Variants in FLYWCH1 observed in about 807,000 individuals in gnomAD.
FLYWCH1 encodes FLYWCH-type zinc finger 1, also known as FLYWCH-type zinc finger-containing protein 1.
A neutral mutation model predicts 66.4 loss-of-function variants in FLYWCH1; 75 were observed. That is an observed-to-expected ratio of 1.13 (90% CI 0.94 to 1.37). FLYWCH1 has a LOEUF of 1.37. Ranked by LOEUF, FLYWCH1 falls within the 40% of genes most tolerant of loss-of-function variation. FLYWCH1 has a pLI of 0.00. For synonymous variants in FLYWCH1, 595 were observed against 429.9 expected (o/e 1.38, Z -4.75); for missense variants, 1,334 against 1,001.8 (o/e 1.33, Z -4.48).
chr16:2,940,105 G>C lies in FLYWCH1; in HGVS notation c.2111+13G>C. On this transcript the variant is annotated intron_variant, in intron 9 of 9. Transcript: ENST00000253928. ...AGCAGATTTATGGGTAATTGTATTT[G>C]TTATCTAATGGTGCATGACCAATTA... 1 of 1,146,790 alleles carries C rather than the reference G, an allele frequency of 8.7e-7. No individual in the cohort carries two copies. Among genetic ancestry groups the C allele is most frequent in the Non-Finnish European group, 1.3e-6 (1 of 755,648 alleles). The allele number at this position is 1,146,790 out of a possible 1,614,324, so 71.0% of individuals were successfully genotyped here.
chr16:2,946,593 G>A (rs2071497049), intron 9 of FLYWCH1, among the ~76,000 whole-genome samples: 1 of 152,032 alleles, frequency 6.6e-6, no homozygotes, highest in Admixed American at 6.6e-5. Flanking sequence ...AAAGTGCTGG[G>A]ATTATAGGAG....
Position 2,933,818 on chromosome 16 carries a change from C to T in FLYWCH1, c.1352C>T (p.Thr451Ile). 6.2e-7 allele frequency: 1 copy of T among 1,608,718 alleles called. No individual in the cohort carries two copies. Residue 451 changes from threonine (T) to isoleucine (I), a missense_variant, in exon 6 of 10, where the codon ACC becomes ATC. Coordinates refer to ENST00000253928, the MANE Select transcript of FLYWCH1 (RefSeq NM_001308068.2). ...EKAAGEKVYW[T>I]CRDQARMGCR... Reference sequence around the variant, plus strand: ...GCGGCTGGGGAGAAGGTGTATTGGACCTGCCGGGACCAGGCCCGCATGGGC... The same window carrying T: ...GCGGCTGGGGAGAAGGTGTATTGGATCTGCCGGGACCAGGCCCGCATGGGC...
chr16:2,923,042 TTGTGTG>T (rs562333947), intron 2 of FLYWCH1: 2 of 436,608 alleles, frequency 4.6e-6, no homozygotes, highest in African/African-American at 4.1e-5. Flanking sequence ...GGATCTTTTT[TTGTGTG>T]TGTGTGGCTG....
intron 9 of FLYWCH1, among the ~76,000 whole-genome samples, chr16:2,941,505 G>A (rs1477542986): frequency 6.6e-6 from 1 of 151,916 alleles, no homozygotes; most frequent in African/African-American, 2.4e-5. Context: ...GCTTGAACCT[G>A]GGAGATTGAG....
intron 2 of FLYWCH1, among the ~76,000 whole-genome samples, chr16:2,928,484 A>G (rs2070648561): frequency 6.6e-6 from 1 of 152,186 alleles, no homozygotes; most frequent in African/African-American, 2.4e-5. Flanking sequence ...GACTTTTACC[A>G]GGCATACTGT....
rs1445077889 is a variant in FLYWCH1, at chr16:2,933,120, T to TA, written c.797-10_797-9insA. ...CCCTGGTGATGTGACCACTTGGGTC[T>TA]CTCCTCTAGGACAGGCCCGGCCCCT... On this transcript the variant is annotated splice_polypyrimidine_tract_variant and intron_variant, in intron 4 of 9. Coordinates refer to ENST00000253928, the MANE Select transcript of FLYWCH1 (RefSeq NM_001308068.2). The TA allele has an allele frequency of 6.2e-7, 1 of 1,608,692 alleles. No homozygotes were observed.
At chr16:2,918,528 C>A (rs2070255393) in intron 2 of FLYWCH1, among the ~76,000 whole-genome samples, 1 of 151,102 alleles carries the variant, frequency 6.6e-6, no homozygotes, top group Non-Finnish European at 1.5e-5. Context: ...GCAACCTCCA[C>A]CTCCCGGTTT....
chr16:2,922,569 G>C, intron 2 of FLYWCH1: 1 of 317,292 alleles, frequency 3.2e-6, no homozygotes, highest in Non-Finnish European at 6.1e-6. Flanking sequence ...GACAGTGTTT[G>C]TCCCCTTGTG....
At chr16:2,931,607 C>A (rs900118243) in intron 4 of FLYWCH1, among the ~76,000 whole-genome samples, 2 of 151,844 alleles carry the variant, frequency 1.3e-5, no homozygotes, top group African/African-American at 2.4e-5. Context: ...GAGACCTGGA[C>A]CCTGTCTCAA....
chr16:2,939,140 G>A (rs907286052), intron 8 of FLYWCH1, among the ~76,000 whole-genome samples: 3 of 151,794 alleles, frequency 2.0e-5, no homozygotes, highest in African/African-American at 7.3e-5. Context: ...GCCATGTCCT[G>A]TATAACAGTA....
chr16:2,931,242 G>A (rs552103971), intron 4 of FLYWCH1, among the ~76,000 whole-genome samples: 84 of 146,252 alleles, frequency 5.7e-4, no homozygotes, highest in African/African-American at 7.1e-4. Flanking sequence ...GGCAGAGGTT[G>A]CAGTAAGCCC....
intron 2 of FLYWCH1, among the ~76,000 whole-genome samples, chr16:2,923,396 G>A (rs566448913): frequency 2.6e-5 from 4 of 152,236 alleles, no homozygotes; most frequent in Admixed American, 6.5e-5. Context: ...ACAGGCGTCC[G>A]CCACCACGCC....
At chr16:2,924,105 C>T (rs947889271) in intron 2 of FLYWCH1, among the ~76,000 whole-genome samples, 1 of 151,796 alleles carries the variant, frequency 6.6e-6, no homozygotes, top group Non-Finnish European at 1.5e-5. Context: ...CCGAGGCAGG[C>T]GGATCACGAG....
At chr16:2,916,573 C>G (rs368494736) in intron 2 of FLYWCH1, among the ~76,000 whole-genome samples, 122 of 150,448 alleles carry the variant, frequency 8.1e-4, no homozygotes, top group African/African-American at 2.9e-3. Flanking sequence ...GGAGACAGAG[C>G]TTGCAGAGAG....
intron 8 of FLYWCH1, among the ~76,000 whole-genome samples, chr16:2,938,854 C>G (rs866480103): frequency 6.6e-6 from 1 of 151,212 alleles, no homozygotes; most frequent in Non-Finnish European, 1.5e-5. Flanking sequence ...CCTCGTGATC[C>G]GCCTGTCTTG....
intron 2 of FLYWCH1, chr16:2,923,199 C>T: frequency 1.2e-5 from 4 of 341,118 alleles, no homozygotes; most frequent in Non-Finnish European, 1.7e-5. Flanking sequence ...TTACAAGGGG[C>T]AGGAGCTCCC....
At chr16:2,912,286 C>A (rs974129619) in intron 1 of FLYWCH1, 132 bp downstream of exon 1, 1 of 152,384 alleles carries the variant, frequency 6.6e-6, no homozygotes, top group African/African-American at 2.4e-5. Context: ...CTCAGGCCGC[C>A]TCCTGTGGGG....
chr16:2,913,908 C>G (rs993346442), intron 1 of FLYWCH1, among the ~76,000 whole-genome samples: 2 of 152,116 alleles, frequency 1.3e-5, no homozygotes, highest in African/African-American at 4.8e-5. Context: ...GCAGGTCTCA[C>G]TATGTTGCCT....
chr16:2,926,626 C>T (rs1316926039), intron 2 of FLYWCH1, among the ~76,000 whole-genome samples: 1 of 152,196 alleles, frequency 6.6e-6, no homozygotes, highest in Non-Finnish European at 1.5e-5. Flanking sequence ...CTCTAAAGAG[C>T]CCTACCCTGA....
Sources: gnomAD v4.1 joint callset for allele counts (sites outside exome capture counted in the v4.1 genomes callset) on GRCh38, gnomAD v4.1.1 for gene constraint, MANE v1.5 for transcripts, NCBI Gene and HGNC (gene_info 2026-07-23, HGNC 2026-07-21) for gene names.